ENTREP2: variants seen among roughly 807,000 people sequenced by gnomAD.
The protein encoded by ENTREP2 is endosomal transmembrane epsin interactor 2.
the ENTREP2 span, among the ~76,000 whole-genome samples, chr15:29,196,125 A>G: frequency 6.6e-6 from 1 of 152,200 alleles, no homozygotes; most frequent in African/African-American, 2.4e-5. Context: ...AAAATGTCAG[A>G]AAAGCCGTAG....
the ENTREP2 span, among the ~76,000 whole-genome samples, chr15:29,342,574 T>G: frequency 6.6e-6 from 1 of 152,152 alleles, no homozygotes. Flanking sequence ...CTGGGGCTGG[T>G]TGGGGGGGCA....
At chr15:29,323,750 C>T in the ENTREP2 span, among the ~76,000 whole-genome samples, 3 of 152,024 alleles carry the variant, frequency 2.0e-5, no homozygotes, top group Admixed American at 1.3e-4. Flanking sequence ...ATCTGGTGGC[C>T]ACTCCCTGCT....
the ENTREP2 span, among the ~76,000 whole-genome samples, chr15:29,668,258 CCGGGGAAACGCAACAGAAATA>C: frequency 6.6e-6 from 1 of 152,298 alleles, no homozygotes; most frequent in East Asian, 1.9e-4. Context: ...TATTGCCAGT[CCGGGGAAACGCAACAGAAATA>C]ACCACCACCA....
the ENTREP2 span, among the ~76,000 whole-genome samples, chr15:29,141,015 TCA>T: frequency 6.6e-6 from 1 of 152,224 alleles, no homozygotes; most frequent in African/African-American, 2.4e-5. Context: ...GAGCCCCTGC[TCA>T]GTCTGCTCCG....
the ENTREP2 span, among the ~76,000 whole-genome samples, chr15:29,360,077 T>C: frequency 6.6e-6 from 1 of 152,208 alleles, no homozygotes; most frequent in South Asian, 2.1e-4. Flanking sequence ...GCATATTAAA[T>C]TCACTTTCAA....
the ENTREP2 span, among the ~76,000 whole-genome samples, chr15:29,140,642 C>A: frequency 3.2e-3 from 482 of 152,300 alleles, no homozygotes; most frequent in African/African-American, 0.011. Flanking sequence ...TCACCTGGCG[C>A]CTCCCAGTCA....
chr15:29,635,032 A>G, the ENTREP2 span, among the ~76,000 whole-genome samples: 1 of 151,912 alleles, frequency 6.6e-6, no homozygotes, highest in South Asian at 2.1e-4. Flanking sequence ...TTTAGTAGAG[A>G]CGGGGTTTCA....
the ENTREP2 span, among the ~76,000 whole-genome samples, chr15:29,388,224 C>A: frequency 6.1e-4 from 93 of 152,260 alleles, no homozygotes; most frequent in East Asian, 5.2e-3. Flanking sequence ...TACTCATCTG[C>A]CAAAGGGCTC....
the ENTREP2 span, among the ~76,000 whole-genome samples, chr15:29,157,867 T>A: frequency 1.3e-5 from 2 of 152,034 alleles, no homozygotes; most frequent in Admixed American, 1.3e-4. Flanking sequence ...GTAGCTGGGA[T>A]TACAGGCATA....
chr15:29,669,568 T>C, the ENTREP2 span, among the ~76,000 whole-genome samples: 1 of 152,142 alleles, frequency 6.6e-6, no homozygotes, highest in Non-Finnish European at 1.5e-5. Context: ...CAACAGAAAA[T>C]GGACAGAGAG....
At chr15:29,448,443 G>C in the ENTREP2 span, among the ~76,000 whole-genome samples, 1 of 152,186 alleles carries the variant, frequency 6.6e-6, no homozygotes, top group African/African-American at 2.4e-5. Context: ...GGACAGCTCT[G>C]ACTGCCTGTT....
the ENTREP2 span, among the ~76,000 whole-genome samples, chr15:29,177,208 C>T: frequency 2.0e-5 from 3 of 152,058 alleles, no homozygotes; most frequent in Admixed American, 6.5e-5. Flanking sequence ...GGGAGTGATC[C>T]GAGGGGTCCC....
chr15:29,440,655 G>A, the ENTREP2 span, among the ~76,000 whole-genome samples: 8 of 152,182 alleles, frequency 5.3e-5, no homozygotes, highest in South Asian at 2.1e-4. Flanking sequence ...TGTGGTTCCC[G>A]TCCTGCCTCT....
the ENTREP2 span, among the ~76,000 whole-genome samples, chr15:29,495,116 T>A: frequency 6.6e-6 from 1 of 152,232 alleles, no homozygotes; most frequent in Non-Finnish European, 1.5e-5. Flanking sequence ...GGAACCTCTA[T>A]ACTGTTTACC....
chr15:29,280,270 C>T, the ENTREP2 span, among the ~76,000 whole-genome samples: 2 of 152,226 alleles, frequency 1.3e-5, no homozygotes, highest in South Asian at 2.1e-4. Context: ...GTTACAAAGT[C>T]TCTGGCCCCC....
chr15:29,259,497 C>T, the ENTREP2 span, among the ~76,000 whole-genome samples: 12 of 152,182 alleles, frequency 7.9e-5, no homozygotes, highest in Non-Finnish European at 1.3e-4. Flanking sequence ...TGAAGACACC[C>T]TGTGTCCCAG....
the ENTREP2 span, among the ~76,000 whole-genome samples, chr15:29,511,164 A>G: frequency 6.6e-6 from 1 of 152,144 alleles, no homozygotes; most frequent in Non-Finnish European, 1.5e-5. Context: ...AGGTCTGCAC[A>G]TGTATCCCAG....
chr15:29,413,473 G>A, the ENTREP2 span, among the ~76,000 whole-genome samples: 3 of 152,000 alleles, frequency 2.0e-5, no homozygotes, highest in African/African-American at 7.2e-5. Flanking sequence ...TATGTAATGA[G>A]CCTCTCTCTA....
chr15:29,639,768 C>CTTTTTTTTTTT, the ENTREP2 span, among the ~76,000 whole-genome samples: 7 of 127,266 alleles, frequency 5.5e-5, no homozygotes, highest in African/African-American at 2.1e-4. Flanking sequence ...TTTTTGTTTG[C>CTTTTTTTTTTT]TTTTTTTTTT....
Sources: gnomAD v4.1 joint callset for allele counts (sites outside exome capture counted in the v4.1 genomes callset) on GRCh38, gnomAD v4.1.1 for gene constraint, MANE v1.5 for transcripts, NCBI Gene and HGNC (gene_info 2026-07-23, HGNC 2026-07-21) for gene names.